PPP3CA: variants seen among roughly 807,000 people sequenced by gnomAD.
PPP3CA encodes CAM-PRP catalytic subunit.
Under a neutral mutation model 66.5 loss-of-function variants are expected in PPP3CA, and 14 were observed. That is an observed-to-expected ratio of 0.21 (90% CI 0.14 to 0.33). The LOEUF (loss-of-function observed/expected upper bound fraction) is 0.33. Ranked by LOEUF, PPP3CA falls within the 10% of genes least tolerant of loss-of-function variation. The pLI is 1.00. For missense variants in PPP3CA, 317 were observed against 639.5 expected (o/e 0.50, Z 5.44); for synonymous variants, 232 against 226.2 (o/e 1.03, Z -0.23).
intron 6 of PPP3CA, among the ~76,000 whole-genome samples, chr4:101,090,843 T>C (rs1442575006): frequency 6.7e-6 from 1 of 149,030 alleles, no homozygotes; most frequent in East Asian, 2.0e-4. Flanking sequence ...GACATATCTG[T>C]GTCTATATTA....
intron 1 of PPP3CA, among the ~76,000 whole-genome samples, chr4:101,342,158 G>A: frequency 6.6e-6 from 1 of 152,112 alleles, no homozygotes; most frequent in East Asian, 1.9e-4. Flanking sequence ...ACAAATCTTA[G>A]AGTAAACCTC....
In PPP3CA at chr4:101,325,035, T is replaced by C. The variant is rs142803078; in HGVS notation, c.58+21704A>G. On this transcript the variant is annotated intron_variant, in intron 1 of 13. Transcript: ENST00000394854. ...GATGCTTGAAAAACAACAATAACAATACTAAGGTCTCATTTAGAGAATCTA... is the reference window on the plus strand; with the variant it reads ...GATGCTTGAAAAACAACAATAACAACACTAAGGTCTCATTTAGAGAATCTA... Among the ~76,000 whole-genome samples the C allele has an allele frequency of 1.9e-3, 285 of 152,178 alleles. 1 individual carries two copies. The highest frequency in any genetic ancestry group is 6.5e-3 in the African/African-American group (270 of 41,518).
In PPP3CA at chr4:101,087,532, C is replaced by T. The variant is rs563497978; in HGVS notation, c.783-4269G>A. Among the ~76,000 whole-genome samples, 4 of 152,232 alleles carry T rather than the reference C, an allele frequency of 2.6e-5. No homozygotes were observed. The South Asian group carries it at 6.2e-4, about 24-fold the overall frequency. ...GCTTATAGCATGAAAGATTAGTTTT[C>T]TCTGATGTTGAACTCTTATTTCAGT... On this transcript the variant is annotated intron_variant, in intron 6 of 13. Transcript: ENST00000394854.
At chr4:101,206,536 G>A (rs1477443789) in intron 1 of PPP3CA, among the ~76,000 whole-genome samples, 2 of 152,320 alleles carry the variant, frequency 1.3e-5, no homozygotes, top group East Asian at 3.9e-4. Context: ...ATTAAGGAAA[G>A]AGATTGCTGG....
intron 2 of PPP3CA, among the ~76,000 whole-genome samples, chr4:101,133,502 C>A (rs1485724284): frequency 6.6e-6 from 1 of 152,186 alleles, no homozygotes; most frequent in East Asian, 1.9e-4. Context: ...ACAACTGCTA[C>A]AAAGAGAATT....
At chr4:101,046,845 T>C (rs2110214937) in intron 10 of PPP3CA, among the ~76,000 whole-genome samples, 1 of 152,302 alleles carries the variant, frequency 6.6e-6, no homozygotes, top group Admixed American at 6.5e-5. Flanking sequence ...TTAGTATCTT[T>C]TGTTGTGCTA....
chr4:101,287,024 A>C (rs1187800935), intron 1 of PPP3CA, among the ~76,000 whole-genome samples: 1 of 151,728 alleles, frequency 6.6e-6, no homozygotes, highest in East Asian at 1.9e-4. Flanking sequence ...TGGATTGCAC[A>C]ACAGAAAAAA....
rs181155907 is a variant in PPP3CA, at chr4:101,344,783, A to G, written c.58+1956T>C. Reference sequence around the variant, plus strand: ...CTTTACACCTACATTAAGAATCCACATCCTATGATTTAAAACAGGGAATGT... The same window carrying G: ...CTTTACACCTACATTAAGAATCCACGTCCTATGATTTAAAACAGGGAATGT... On this transcript the variant is annotated intron_variant, in intron 1 of 13. Transcript: ENST00000394854. Among the ~76,000 whole-genome samples the G allele has an allele frequency of 3.0e-3, 453 of 152,342 alleles. 3 individuals are homozygous for G. The highest frequency in any genetic ancestry group is 0.01 in the African/African-American group (427 of 41,574).
intron 1 of PPP3CA, among the ~76,000 whole-genome samples, chr4:101,286,033 T>A (rs2110283454): frequency 6.6e-6 from 1 of 151,792 alleles, no homozygotes; most frequent in South Asian, 2.1e-4. Context: ...AAGGCGGGGG[T>A]GGATGGATGG....
chr4:101,187,127 A>T (rs1724437460), intron 2 of PPP3CA, among the ~76,000 whole-genome samples: 1 of 152,158 alleles, frequency 6.6e-6, no homozygotes, highest in African/African-American at 2.4e-5. Context: ...TAATGTGGAC[A>T]CCATGCTGGA....
At chr4:101,128,183 G>C (rs1722307484) in intron 2 of PPP3CA, among the ~76,000 whole-genome samples, 1 of 152,152 alleles carries the variant, frequency 6.6e-6, no homozygotes, top group African/African-American at 2.4e-5. Context: ...ATTGCAGCTA[G>C]ATAGGAGGAA....
At chr4:101,106,942 T>G (rs2110261870) in intron 3 of PPP3CA, among the ~76,000 whole-genome samples, 1 of 152,296 alleles carries the variant, frequency 6.6e-6, no homozygotes, top group South Asian at 2.1e-4. Context: ...ATCTATCTTG[T>G]CCAAACCACC....
intron 1 of PPP3CA, among the ~76,000 whole-genome samples, chr4:101,324,220 G>GGAAA (rs1214255526): frequency 4.2e-5 from 6 of 141,998 alleles, no homozygotes; most frequent in Non-Finnish European, 9.3e-5. Flanking sequence ...AAGGAAGGAA[G>GGAAA]GAAAGGAGGG....
chr4:101,247,391 GC>G (rs1420777770), intron 1 of PPP3CA, among the ~76,000 whole-genome samples: 1 of 151,852 alleles, frequency 6.6e-6, no homozygotes, highest in East Asian at 1.9e-4. Flanking sequence ...CGAACTCCTG[GC>G]CTCAGGTGAT....
chr4:101,047,671 G>A (rs1378610359), intron 10 of PPP3CA, among the ~76,000 whole-genome samples: 1 of 152,026 alleles, frequency 6.6e-6, no homozygotes, highest in Non-Finnish European at 1.5e-5. Context: ...GCCCAGGCTG[G>A]ACTAGGACTC....
intron 1 of PPP3CA, among the ~76,000 whole-genome samples, chr4:101,245,773 G>T (rs1300202595): frequency 2.0e-5 from 3 of 152,018 alleles, no homozygotes; most frequent in African/African-American, 7.2e-5. Context: ...TATTCTGCTT[G>T]TTACTGTCCC....
intron 1 of PPP3CA, among the ~76,000 whole-genome samples, chr4:101,246,873 T>C (rs557517830): frequency 2.0e-5 from 3 of 152,166 alleles, no homozygotes; most frequent in Admixed American, 1.3e-4. Flanking sequence ...TCTGAGCCAA[T>C]TGACTTAACC....
rs79185384 is a variant in PPP3CA, at chr4:101,171,793, A to G, written c.259+24123T>C. 3.8e-3 allele frequency among the ~76,000 whole-genome samples: 586 copies of G among 152,300 alleles called. 5 individuals carry two copies. The highest frequency in any genetic ancestry group is 0.013 in the African/African-American group (559 of 41,568). On this transcript the variant is annotated intron_variant, in intron 2 of 13. Transcript: ENST00000394854. ...AAATATGTCTCTAGTTTTCCTCTGTAATACTTACCACAAATATATGCAATT... is the reference window on the plus strand; with the variant it reads ...AAATATGTCTCTAGTTTTCCTCTGTGATACTTACCACAAATATATGCAATT...
chr4:101,026,162 G>C, intron 13 of PPP3CA, 101 bp from the exon 14 acceptor site: 1 of 997,038 alleles, frequency 1.0e-6, no homozygotes. Flanking sequence ...CTCAGTGAGA[G>C]GGAATCCTTC....
Sources: allele counts gnomAD v4.1 joint callset (sites outside exome capture counted in the v4.1 genomes callset), GRCh38; gene constraint gnomAD v4.1.1; transcripts MANE v1.5; gene names NCBI Gene and HGNC (gene_info 2026-07-23, HGNC 2026-07-21).